SDK1: variants seen among roughly 807,000 people sequenced by gnomAD.
SDK1 encodes the protein protein sidekick-1.
A neutral mutation model predicts 245.5 loss-of-function variants in SDK1; 157 were observed. The ratio of observed to expected loss-of-function variants is 0.64; its 90% CI spans 0.56 to 0.73. The LOEUF is 0.73. SDK1 is among the 30% of genes least tolerant of loss of function. The pLI, the probability that SDK1 is intolerant of heterozygous loss-of-function variation, is 0.00. For missense variants in SDK1, 3,583 were observed against 3,002.3 expected (o/e 1.19, Z -4.52); for synonymous variants, 1,647 against 1,278.5 (o/e 1.29, Z -6.15).
intron 1 of SDK1, among the ~76,000 whole-genome samples, chr7:3,442,270 A>G (rs1780217454): frequency 6.6e-6 from 1 of 152,174 alleles, no homozygotes; most frequent in Admixed American, 6.5e-5. Context: ...AAAGCTCCGC[A>G]TTTTTCTAAA....
chr7:4,268,713 A>T lies in SDK1; in HGVS notation c.*3329A>T. ...CTCCTGACGAGCAACCCGTCTGCGT[A>T]CCTAAGTGTGGCTCCCCGTGGGTCA... On this transcript the variant is annotated 3_prime_UTR_variant, in exon 45 of 45. Transcript: ENST00000404826. 1 of 1,367,838 alleles carries T rather than the reference A, an allele frequency of 7.3e-7. No homozygotes were observed. The highest frequency in any genetic ancestry group is 9.8e-7 in the Non-Finnish European group (1 of 1,021,984). The allele number at this position is 1,367,838 out of a possible 1,614,324, so 84.7% of individuals were successfully genotyped here. A position where few individuals can be genotyped will look rare whatever the true frequency, so the allele number is the denominator to read the frequency against.
intron 1 of SDK1, among the ~76,000 whole-genome samples, chr7:3,466,466 C>G (rs1263021137): frequency 7.0e-6 from 1 of 142,548 alleles, no homozygotes; most frequent in Non-Finnish European, 1.5e-5. Context: ...TAGTATGCGT[C>G]CTAATCTCAA....
intron 28 of SDK1, 110 bp from the exon 29 acceptor site, chr7:4,145,612 G>A (rs577989903): frequency 7.7e-5 from 72 of 934,650 alleles, no homozygotes; most frequent in African/African-American, 6.9e-4. Context: ...CTCCAGAGAC[G>A]GGGAAGAGAC....
chr7:3,592,161 C>T (rs184476385), intron 1 of SDK1, among the ~76,000 whole-genome samples: 22 of 152,322 alleles, frequency 1.4e-4, no homozygotes, highest in Admixed American at 1.3e-3. Context: ...TGACTGACCG[C>T]CTGCTGATAC....
chr7:3,959,185 C>A (rs1781485926), intron 8 of SDK1, among the ~76,000 whole-genome samples, 171 bp downstream of exon 8: 1 of 152,100 alleles, frequency 6.6e-6, no homozygotes, highest in Non-Finnish European at 1.5e-5. Context: ...AGGCATTTGA[C>A]TTTGCCAAGC....
At position 3,935,039 on chromosome 7, in the gene SDK1, A is replaced by G. The variant is rs184644950; in HGVS notation, c.848-15884A>G. Among the ~76,000 whole-genome samples the G allele has an allele frequency of 9.9e-3, 1,503 of 152,352 alleles. 18 individuals are homozygous for G. Among genetic ancestry groups the G allele is most frequent in the South Asian group, 0.039 (190 of 4,830 alleles). On this transcript the variant is annotated intron_variant, in intron 5 of 44. Transcript: ENST00000404826. ...TATTGGCAAGAACAACTTTGAGAGCATTCTTTTCTGTCTGTCTGCCTCACC... is the reference window on the plus strand; with the variant it reads ...TATTGGCAAGAACAACTTTGAGAGCGTTCTTTTCTGTCTGTCTGCCTCACC...
chr7:4,077,125 C>T lies in SDK1; in HGVS notation c.3138C>T (p.Ala1046=), dbSNP rs139876846. The T allele has an allele frequency of 1.1e-3, 1,714 of 1,614,222 alleles. 17 individuals carry two copies. The African/African-American group carries it at 0.018, about 17-fold the overall frequency. ...TCACCACCTACACCATCGACGTGGC[C>T]GCTGTGACTGCCGTGGGCACTGGCC... ...SSLTTYTIDV[A]AVTAVGTGLV... is the part of the protein sequence containing the mutation. The change falls in exon 21 of 45, where the codon GCC becomes GCT. Residue 1046 remains alanine (A), a synonymous_variant. Transcript: ENST00000404826.
chr7:3,985,278 T>C (rs1178014028), intron 13 of SDK1, among the ~76,000 whole-genome samples: 1 of 152,266 alleles, frequency 6.6e-6, no homozygotes, highest in Non-Finnish European at 1.5e-5. Context: ...ATCAGATACA[T>C]TCTTTATGAT....
At chr7:3,377,602 A>G (rs988890052) in intron 1 of SDK1, among the ~76,000 whole-genome samples, 16 of 152,080 alleles carry the variant, frequency 1.1e-4, no homozygotes, top group African/African-American at 3.6e-4. Flanking sequence ...CTGTTGTAAC[A>G]GTTCTGAGTT....
At chr7:3,670,333 C>G (rs183026122) in intron 4 of SDK1, among the ~76,000 whole-genome samples, 1 of 152,308 alleles carries the variant, frequency 6.6e-6, no homozygotes, top group African/African-American at 2.4e-5. Flanking sequence ...CTCTTTCCCT[C>G]TGACGTCCAG....
chr7:3,706,933 T>G (rs1216965496), intron 4 of SDK1, among the ~76,000 whole-genome samples: 1 of 152,214 alleles, frequency 6.6e-6, no homozygotes, highest in East Asian at 1.9e-4. Context: ...TAATTGAGTT[T>G]ATTTGAATCT....
chr7:3,795,329 C>T (rs978004367), intron 4 of SDK1, among the ~76,000 whole-genome samples: 3 of 152,056 alleles, frequency 2.0e-5, no homozygotes, highest in Admixed American at 1.3e-4. Flanking sequence ...CATGGCAGGC[C>T]CCACGAGACT....
At chr7:4,207,074 A>C (rs532960421) in intron 36 of SDK1, among the ~76,000 whole-genome samples, 1 of 152,226 alleles carries the variant, frequency 6.6e-6, no homozygotes, top group Non-Finnish European at 1.5e-5. Context: ...GGGCGAGCGG[A>C]AGATCTTAGA....
At chr7:4,118,056 G>A (rs1019828258) in intron 25 of SDK1, among the ~76,000 whole-genome samples, 2 of 152,014 alleles carry the variant, frequency 1.3e-5, no homozygotes, top group African/African-American at 4.8e-5. Flanking sequence ...GAAACCAAAA[G>A]CACGAGCAAC....
intron 19 of SDK1, among the ~76,000 whole-genome samples, chr7:4,057,213 A>G (rs935516596): frequency 6.6e-6 from 1 of 152,100 alleles, no homozygotes; most frequent in African/African-American, 2.4e-5. Flanking sequence ...ACAGCTAGCA[A>G]CTGCACACAC....
intron 5 of SDK1, among the ~76,000 whole-genome samples, chr7:3,889,706 C>G (rs1395790998): frequency 6.6e-6 from 1 of 152,176 alleles, no homozygotes; most frequent in Non-Finnish European, 1.5e-5. Context: ...GACAGGGTTT[C>G]ATCGTGTTAG....
intron 5 of SDK1, among the ~76,000 whole-genome samples, chr7:3,917,330 T>C (rs1485824720): frequency 6.6e-6 from 1 of 152,112 alleles, no homozygotes; most frequent in Non-Finnish European, 1.5e-5. Flanking sequence ...TAGTTATGAG[T>C]GTGATGCAGG....
At chr7:3,480,085 A>C (rs189966393) in intron 1 of SDK1, among the ~76,000 whole-genome samples, 5 of 152,224 alleles carry the variant, frequency 3.3e-5, no homozygotes, top group African/African-American at 9.6e-5. Flanking sequence ...TTAAGATAGC[A>C]GAAGGAATTA....
At chr7:4,094,041 C>T (rs187311555) in intron 22 of SDK1, among the ~76,000 whole-genome samples, 114 of 152,186 alleles carry the variant, frequency 7.5e-4, no homozygotes, top group African/African-American at 2.6e-3. Flanking sequence ...CCTAAACGGC[C>T]AGGGTGGTTT....
Sources: allele counts gnomAD v4.1 joint callset (sites outside exome capture counted in the v4.1 genomes callset), GRCh38; gene constraint gnomAD v4.1.1; transcripts MANE v1.5; gene names NCBI Gene and HGNC (gene_info 2026-07-23, HGNC 2026-07-21).